Variants in PDE1A observed in about 807,000 individuals in gnomAD.
The protein encoded by PDE1A is phosphodiesterase 1A.
A neutral mutation model predicts 61.7 loss-of-function variants in PDE1A; 35 were observed. That is an observed-to-expected ratio of 0.57 (90% CI 0.43 to 0.75). The LOEUF (loss-of-function observed/expected upper bound fraction) is 0.75. Among genes scored for constraint, PDE1A ranks in the 30% least tolerant of loss-of-function variants. The pLI is 0.00. For synonymous variants in PDE1A, 232 were observed against 213.2 expected (o/e 1.09, Z -0.77); for missense variants, 597 against 630.6 (o/e 0.95, Z 0.57).
chr2:182,173,925 T>C (rs1574560802), intron 13 of PDE1A, among the ~76,000 whole-genome samples: 2 of 152,190 alleles, frequency 1.3e-5, no homozygotes, highest in East Asian at 1.9e-4. Context: ...CAAAGTAACA[T>C]TGACATGTTT....
chr2:182,232,891 T>G (rs1270080995), intron 4 of PDE1A, among the ~76,000 whole-genome samples: 1 of 152,232 alleles, frequency 6.6e-6, no homozygotes. Flanking sequence ...CCTGATGATT[T>G]ACATTTCTAA....
At chr2:182,514,669 C>T (rs1305187616) in intron 2 of PDE1A, among the ~76,000 whole-genome samples, 1 of 152,070 alleles carries the variant, frequency 6.6e-6, no homozygotes, top group Admixed American at 6.6e-5. Flanking sequence ...AAAATCAACT[C>T]GAGATTGATT....
downstream of PDE1A, among the ~76,000 whole-genome samples, chr2:182,164,165 A>G (rs935978004): frequency 6.6e-6 from 1 of 152,174 alleles, no homozygotes; most frequent in African/African-American, 2.4e-5. Flanking sequence ...GTCACATGGT[A>G]GTGGTATACA....
chr2:182,493,455 C>G (rs961097081), intron 2 of PDE1A, among the ~76,000 whole-genome samples: 2 of 151,980 alleles, frequency 1.3e-5, no homozygotes, highest in Admixed American at 1.3e-4. Context: ...TGACAGGCCC[C>G]GGTGTGTGAT....
intron 2 of PDE1A, among the ~76,000 whole-genome samples, chr2:182,433,196 G>T (rs1459707474): frequency 1.3e-5 from 2 of 151,992 alleles, no homozygotes; most frequent in African/African-American, 4.8e-5. Flanking sequence ...GAAGACTTGG[G>T]ATTGGCCACA....
chr2:182,551,787 A>G, the PDE1A span, among the ~76,000 whole-genome samples: 1 of 152,308 alleles, frequency 6.6e-6, no homozygotes, highest in Admixed American at 6.5e-5. Flanking sequence ...CCAGGACATT[A>G]AGGAGTGAGG....
exon 2 of PDE1A, chr2:182,522,277 T>C: frequency 1.2e-6 from 2 of 1,612,406 alleles, no homozygotes; most frequent in Non-Finnish European, 1.7e-6. Context: ...CATACTCACA[T>C]TCCTTTCAGG....
At chr2:182,377,335 C>T (rs577425425) in intron 1 of PDE1A, among the ~76,000 whole-genome samples, 4 of 152,230 alleles carry the variant, frequency 2.6e-5, no homozygotes, top group Non-Finnish European at 4.4e-5. Flanking sequence ...CTCCTGCTCT[C>T]GCCATATAAC....
chr2:182,250,664 G>T (rs942696795), intron 2 of PDE1A, among the ~76,000 whole-genome samples: 3 of 151,940 alleles, frequency 2.0e-5, no homozygotes, highest in Non-Finnish European at 2.9e-5. Flanking sequence ...GATGACCATT[G>T]TACATGAGTG....
At chr2:182,525,760 C>T (rs1307734258), upstream of PDE1A, among the ~76,000 whole-genome samples, 1 of 152,098 alleles carries the variant, frequency 6.6e-6, no homozygotes, top group Admixed American at 6.6e-5. Context: ...TACATTGGCA[C>T]CATGTAACAA....
intron 1 of PDE1A, among the ~76,000 whole-genome samples, chr2:182,307,862 A>G (rs1358738003): frequency 6.6e-6 from 1 of 152,160 alleles, no homozygotes; most frequent in Non-Finnish European, 1.5e-5. Flanking sequence ...TAAAGACAAA[A>G]ACAAAAACTA....
intron 1 of PDE1A, among the ~76,000 whole-genome samples, chr2:182,377,408 T>C (rs1341761797): frequency 6.6e-6 from 1 of 152,218 alleles, no homozygotes; most frequent in Non-Finnish European, 1.5e-5. Flanking sequence ...CAGAAGCAGA[T>C]GTCAGAGCGA....
intron 1 of PDE1A, among the ~76,000 whole-genome samples, chr2:182,308,187 T>TA (rs1211925308): frequency 6.6e-6 from 1 of 152,132 alleles, no homozygotes; most frequent in Non-Finnish European, 1.5e-5. Flanking sequence ...ACATCCAGCT[T>TA]AGAGTGCTCA....
At chr2:182,662,337 A>G in the PDE1A span, among the ~76,000 whole-genome samples, 5 of 73,946 alleles carry the variant, frequency 6.8e-5, no homozygotes, top group African/African-American at 2.5e-4. Context: ...ATTGAAAAAA[A>G]AAAGAAAAAA....
chr2:182,641,028 A>AAAAAAAG, the PDE1A span, among the ~76,000 whole-genome samples: 1 of 149,622 alleles, frequency 6.7e-6, no homozygotes, highest in African/African-American at 2.5e-5. Context: ...TCAAAAAAAA[A>AAAAAAAG]AAGAAGAAGA....
intron 2 of PDE1A, among the ~76,000 whole-genome samples, chr2:182,518,087 T>C (rs960942096): frequency 1.3e-5 from 2 of 152,156 alleles, no homozygotes; most frequent in Non-Finnish European, 2.9e-5. Flanking sequence ...AGTGACCCTG[T>C]GAAGGATGCA....
intron 10 of PDE1A, among the ~76,000 whole-genome samples, chr2:182,197,763 AGCCCTAT>A (rs1316213857): frequency 1.3e-5 from 2 of 151,848 alleles, no homozygotes; most frequent in African/African-American, 4.8e-5. Context: ...CTATTTGCCT[AGCCCTAT>A]GCCCTATGCC....
chr2:182,204,594 T>C (rs1686941891), intron 8 of PDE1A, among the ~76,000 whole-genome samples: 1 of 152,228 alleles, frequency 6.6e-6, no homozygotes, highest in Admixed American at 6.5e-5. Flanking sequence ...TCTTTATGAT[T>C]TTCTTAATAA....
At chr2:182,271,130 T>G (rs1692987050) in intron 1 of PDE1A, among the ~76,000 whole-genome samples, 1 of 150,712 alleles carries the variant, frequency 6.6e-6, no homozygotes, top group South Asian at 2.1e-4. Flanking sequence ...TTAATAATAT[T>G]GCATTGTACA....
Sources: allele counts gnomAD v4.1 joint callset (sites outside exome capture counted in the v4.1 genomes callset), GRCh38; gene constraint gnomAD v4.1.1; transcripts MANE v1.5; gene names NCBI Gene and HGNC (gene_info 2026-07-23, HGNC 2026-07-21).